The following LNX2 variants were observed in gnomAD, a reference collection of about 807,000 sequenced individuals.
LNX2 encodes ligand of numb-protein X 2.
A neutral mutation model predicts 66.2 loss-of-function variants in LNX2; 35 were observed. The observed-to-expected ratio is 0.53, with a 90% confidence interval of 0.40 to 0.70. LNX2 has a LOEUF of 0.70. LNX2 is among the 30% of genes least tolerant of loss of function. LNX2 has a pLI of 0.00. For synonymous variants in LNX2, 337 were observed against 315.6 expected, an observed-to-expected ratio of 1.07 and a Z score of -0.72; for missense variants, 791 against 850.8, an observed-to-expected ratio of 0.93 and a Z score of 0.87.
At chr13:27,578,214 GCT>G (rs1157623863) in intron 2 of LNX2, among the ~76,000 whole-genome samples, 5 of 152,152 alleles carry the variant, frequency 3.3e-5, no homozygotes, top group African/African-American at 1.2e-4. Flanking sequence ...TACTGCTAAT[GCT>G]CTATTTCTAC....
intron 1 of LNX2, among the ~76,000 whole-genome samples, chr13:27,612,957 C>T (rs1283460064): frequency 6.6e-6 from 1 of 152,132 alleles, no homozygotes; most frequent in Non-Finnish European, 1.5e-5. Flanking sequence ...CATGAGGATA[C>T]CACAGCATCC....
intron 8 of LNX2, among the ~76,000 whole-genome samples, chr13:27,552,201 A>C (rs1022973913): frequency 2.0e-5 from 3 of 152,210 alleles, no homozygotes; most frequent in Non-Finnish European, 2.9e-5. Context: ...CAGATAAGGA[A>C]AATTAAAGGA....
intron 1 of LNX2, among the ~76,000 whole-genome samples, chr13:27,619,640 C>G (rs1391291366): frequency 1.3e-5 from 2 of 152,164 alleles, no homozygotes; most frequent in Non-Finnish European, 2.9e-5. Flanking sequence ...TACTTTAGCT[C>G]CTGGTACAAA....
At chr13:27,602,222 C>A (rs1485944302) in intron 1 of LNX2, among the ~76,000 whole-genome samples, 2 of 152,078 alleles carry the variant, frequency 1.3e-5, no homozygotes, top group African/African-American at 4.8e-5. Context: ...GGATTACAGG[C>A]ATGTACCACC....
intron 2 of LNX2, among the ~76,000 whole-genome samples, chr13:27,577,855 T>C (rs926794769): frequency 1.3e-5 from 2 of 152,168 alleles, no homozygotes; most frequent in Admixed American, 1.3e-4. Context: ...GGGTTGGAGA[T>C]GAGTGGTAGA....
At chr13:27,550,726 C>T (rs1273134942) in intron 8 of LNX2, among the ~76,000 whole-genome samples, 1 of 151,312 alleles carries the variant, frequency 6.6e-6, no homozygotes, top group African/African-American at 2.4e-5. Flanking sequence ...CACACACATA[C>T]ACACACACAC....
rs1242064217 is a variant in LNX2, at chr13:27,556,413, C to T, written c.1369G>A (p.Asp457Asn). The T allele has an allele frequency of 2.5e-6, 4 of 1,611,672 alleles. No homozygotes were observed. The highest frequency in any genetic ancestry group is 3.4e-6 in the Non-Finnish European group (4 of 1,179,004). The change falls in exon 7 of 10, where the codon GAT becomes AAT. Residue 457 changes from aspartate (D) to asparagine (N), a missense_variant and splice_region_variant. Physicochemically the swap from Asp to Asn is conservative, Grantham distance 23. Transcript: ENST00000316334. ...PYYSRPSSHKDLTQCVTCQEK... is the reference protein window; with the variant it reads ...PYYSRPSSHKNLTQCVTCQEK... ...TGGCATGTAACACACTGAGTAAGAT[C>T]CTAAAACATACAAGAAAAAAATCAT...
At chr13:27,563,122 TG>T (rs1463556283) in intron 4 of LNX2, among the ~76,000 whole-genome samples, 1 of 152,170 alleles carries the variant, frequency 6.6e-6, no homozygotes, top group African/African-American at 2.4e-5. Flanking sequence ...ATCTGTAAAA[TG>T]TGTTTACTTC....
At chr13:27,575,748 C>A (rs1955334710) in intron 2 of LNX2, among the ~76,000 whole-genome samples, 2 of 152,092 alleles carry the variant, frequency 1.3e-5, no homozygotes, top group African/African-American at 4.8e-5. Flanking sequence ...AGATCCCTGA[C>A]TAATTCATTA....
chr13:27,567,821 C>G lies in LNX2; in HGVS notation c.674G>C (p.Ser225Thr). The G allele has an allele frequency of 5.6e-6, 9 of 1,613,908 alleles. No individual in the cohort carries two copies. The highest frequency in any genetic ancestry group is 6.8e-6 in the Non-Finnish European group (8 of 1,179,896). The change falls in exon 4 of 10, where the codon AGT becomes ACT. Residue 225 changes from serine to threonine, a missense_variant. Coordinates refer to ENST00000316334, the MANE Select transcript of LNX2 (RefSeq NM_153371.4). ...CGTGGTGATTTCTCCTTCTGGTAAA[C>G]TAAGTGGCTGTTGTGTGGCTGCCAA... ...AGADTTQQPL[S>T]LPEGEITTIE...
intron 4 of LNX2, among the ~76,000 whole-genome samples, chr13:27,563,506 T>C (rs1955167378): frequency 6.6e-6 from 1 of 152,242 alleles, no homozygotes; most frequent in Non-Finnish European, 1.5e-5. Flanking sequence ...TTCACCTTTA[T>C]AATCTCAAAA....
intron 1 of LNX2, among the ~76,000 whole-genome samples, chr13:27,602,318 A>T (rs1955666486): frequency 6.6e-6 from 1 of 152,136 alleles, no homozygotes; most frequent in African/African-American, 2.4e-5. Context: ...AATCCCTATT[A>T]AGATAGAGAA....
intron 1 of LNX2, among the ~76,000 whole-genome samples, chr13:27,618,581 C>T (rs1391114161): frequency 1.3e-5 from 2 of 152,196 alleles, no homozygotes; most frequent in African/African-American, 4.8e-5. Flanking sequence ...CTCAGTATCA[C>T]TGACTGGATA....
intron 1 of LNX2, among the ~76,000 whole-genome samples, chr13:27,592,293 A>G (rs2138428464): frequency 6.6e-6 from 1 of 152,312 alleles, no homozygotes; most frequent in South Asian, 2.1e-4. Context: ...TTTTAGATAT[A>G]TTCTGAAGGT....
rs1955225541 is a variant in LNX2 at position 27,567,826 on chromosome 13, T to C, written c.669A>G (p.Pro223=). 2 of 1,613,960 alleles carry C rather than the reference T, an allele frequency of 1.2e-6. No homozygotes were observed. The highest frequency in any genetic ancestry group is 8.5e-7 in the Non-Finnish European group (1 of 1,179,920). The part of the protein sequence containing the change: ...ESAGADTTQQ[P]LSLPEGEITT... ...TGATTTCTCCTTCTGGTAAACTAAG[T>C]GGCTGTTGTGTGGCTGCCAAGTTAA... The change falls in exon 4 of 10, where the codon CCA becomes CCG. Residue 223 remains proline, a synonymous_variant. Coordinates refer to ENST00000316334, the MANE Select transcript of LNX2 (RefSeq NM_153371.4).
At chr13:27,620,825 G>C (rs1182055563), upstream of LNX2, 3 of 153,230 alleles carry the variant, frequency 2.0e-5, no homozygotes, top group Non-Finnish European at 4.4e-5. Flanking sequence ...AGCCCCGCTG[G>C]CTAGGTGTCT....
At chr13:27,553,137 C>A in intron 8 of LNX2, 71 bp downstream of exon 8, 1 of 1,215,670 alleles carries the variant, frequency 8.2e-7, no homozygotes, top group South Asian at 1.4e-5. Flanking sequence ...GTAAATTTAT[C>A]ATGCTACACA....
At chr13:27,577,381 A>G (rs760219011) in intron 2 of LNX2, among the ~76,000 whole-genome samples, 2 of 152,184 alleles carry the variant, frequency 1.3e-5, no homozygotes, top group Non-Finnish European at 2.9e-5. Context: ...TAAAAGTGCA[A>G]TCATGCCTCA....
intron 1 of LNX2, among the ~76,000 whole-genome samples, chr13:27,595,446 T>C (rs1001281092): frequency 1.3e-5 from 2 of 150,890 alleles, no homozygotes; most frequent in African/African-American, 4.9e-5. Flanking sequence ...ATGTGGTTAA[T>C]AATAAACCTG....
Sources: gnomAD v4.1 joint callset for allele counts (sites outside exome capture counted in the v4.1 genomes callset) on GRCh38, gnomAD v4.1.1 for gene constraint, MANE v1.5 for transcripts, NCBI Gene and HGNC (gene_info 2026-07-23, HGNC 2026-07-21) for gene names.